SFI1: variants seen among roughly 807,000 people sequenced by gnomAD.
The protein encoded by SFI1 is SFI1 centrin binding protein.
Under a neutral mutation model 207.5 loss-of-function variants are expected in SFI1, and 195 were observed. That is an observed-to-expected ratio of 0.94 (90% CI 0.84 to 1.06). The LOEUF (loss-of-function observed/expected upper bound fraction) is 1.06. Among genes scored for constraint, SFI1 ranks in the 50% least tolerant of loss-of-function variants. The pLI is 0.00. For synonymous variants in SFI1, 630 were observed against 598.9 expected (o/e 1.05, Z -0.76); for missense variants, 1,634 against 1,588.0 (o/e 1.03, Z -0.49).
rs2060074122 is a variant in SFI1 at position 31,546,290 on chromosome 22, C to T, written c.339-571C>T. On this transcript the variant is annotated intron_variant, in intron 4 of 32. Transcript: ENST00000400288. Reference sequence around the variant, plus strand: ...AAGTGTTGGTATTACAGGCATGAGCCACCATGCCTGGCCTCTATTTTTAAT... The same window carrying T: ...AAGTGTTGGTATTACAGGCATGAGCTACCATGCCTGGCCTCTATTTTTAAT... Among the ~76,000 whole-genome samples the T allele has an allele frequency of 2.0e-5, 3 of 152,012 alleles. No individual in the cohort carries two copies. In the South Asian group the frequency reaches 6.2e-4, roughly 32 times the overall value.
At chr22:31,590,872 A>G (rs925363376) in intron 15 of SFI1, among the ~76,000 whole-genome samples, 8 of 149,532 alleles carry the variant, frequency 5.4e-5, no homozygotes, top group Non-Finnish European at 1.0e-4. Flanking sequence ...ATTTTTATAT[A>G]TATTTTTAAA....
intron 15 of SFI1, among the ~76,000 whole-genome samples, chr22:31,599,209 G>T (rs56355520): frequency 6.6e-6 from 1 of 151,950 alleles, no homozygotes. Flanking sequence ...TATAGTTTTA[G>T]CATTTACATT....
chr22:31,546,801 T>A, intron 4 of SFI1, 60 bp from the exon 5 acceptor site: 1 of 1,180,294 alleles, frequency 8.5e-7, no homozygotes, highest in Non-Finnish European at 1.2e-6. Context: ...ATATGTGATT[T>A]GGGAAGAGAT....
At chr22:31,582,292 G>GGCT (rs561256147) in intron 12 of SFI1, among the ~76,000 whole-genome samples, 12 of 114,858 alleles carry the variant, frequency 1.0e-4, no homozygotes, top group African/African-American at 4.1e-4. Flanking sequence ...CTCTCGCCCA[G>GGCT]GCTGGAGTGC....
intron 2 of SFI1, among the ~76,000 whole-genome samples, chr22:31,519,570 G>A (rs2147028470): frequency 6.6e-6 from 1 of 152,170 alleles, no homozygotes; most frequent in Non-Finnish European, 1.5e-5. Flanking sequence ...CCGAGTAGCT[G>A]GGATTACAGG....
At chr22:31,590,845 CTTTTTATTTTA>C (rs1490523647) in intron 15 of SFI1, among the ~76,000 whole-genome samples, 3 of 148,186 alleles carry the variant, frequency 2.0e-5, no homozygotes, top group Non-Finnish European at 4.5e-5. Flanking sequence ...TTCCCCTTCT[CTTTTTATTTTA>C]TTTTTATTTT....
chr22:31,617,912 G>A lies in SFI1; in HGVS notation c.3513-203G>A, dbSNP rs1380646099. Among the ~76,000 whole-genome samples, 4 of 152,158 alleles carry A rather than the reference G, an allele frequency of 2.6e-5. No homozygotes were observed. The East Asian group carries it at 7.7e-4, about 29-fold the overall frequency. Reference sequence around the variant, plus strand: ...GCCCACCTGAGTTGCTGTCTGCTGGGGAGGGCGGAGGAGACTGGGAGAGGA... The same window carrying A: ...GCCCACCTGAGTTGCTGTCTGCTGGAGAGGGCGGAGGAGACTGGGAGAGGA... On this transcript the variant is annotated intron_variant, in intron 31 of 32. Transcript: ENST00000400288.
chr22:31,508,367 T>C lies in SFI1; in HGVS notation c.83T>C (p.Val28Ala), dbSNP rs751815927. Residue 28 changes from valine (V) to alanine (A), a missense_variant, in exon 2 of 33, where the codon GTT (valine) becomes GCT (alanine). By Grantham distance (64) the Val-to-Ala change is moderately conservative. Transcript: ENST00000400288. ...KVIKQRMEKK[V>A]DSRYFKDGAV... ...ATTAAGCAGAGAATGGAGAAGAAGG[T>C]TGATTCCAGGTGAGTGATGGGACTT... 101 of 1,611,302 alleles carry C rather than the reference T, an allele frequency of 6.3e-5. No individual in the cohort carries two copies. Among genetic ancestry groups the C allele is most frequent in the Non-Finnish European group, 8.5e-5 (100 of 1,178,152 alleles).
intron 13 of SFI1, 147 bp downstream of exon 13, chr22:31,584,119 G>C: frequency 1.5e-6 from 1 of 685,344 alleles, no homozygotes; most frequent in Non-Finnish European, 2.5e-6. Flanking sequence ...TAAACCATTT[G>C]TTCCTGACTT....
intron 4 of SFI1, among the ~76,000 whole-genome samples, chr22:31,543,841 G>A (rs1392978796): frequency 6.6e-6 from 1 of 150,778 alleles, no homozygotes; most frequent in Admixed American, 6.6e-5. Flanking sequence ...AAAACTATGA[G>A]TGGGTTAGGA....
At position 31,573,108 on chromosome 22, in the gene SFI1, A is replaced by G. The variant is rs2145851083; in HGVS notation, c.816A>G (p.Gln272=). 3 of 1,613,992 alleles carry G rather than the reference A, an allele frequency of 1.9e-6. No individual in the cohort carries two copies. The highest frequency in any genetic ancestry group is 2.5e-6 in the Non-Finnish European group (3 of 1,180,004). The change falls in exon 9 of 33, where the codon CAA becomes CAG. Residue 272 remains glutamine, a synonymous_variant. Coordinates refer to ENST00000400288, the MANE Select transcript of SFI1 (RefSeq NM_001007467.3). ...EQLLYVQKEK[Q]KVVSAVKHHQ... is the part of the protein sequence containing the mutation. ...TCCTGTATGTCCAGAAGGAGAAACA[A>G]AAGGTTGTCTCTGCAGTGAAACATC...
chr22:31,540,940 T>C (rs2059423591), intron 4 of SFI1, among the ~76,000 whole-genome samples: 1 of 152,172 alleles, frequency 6.6e-6, no homozygotes, highest in African/African-American at 2.4e-5. Context: ...ATTGTTCAGT[T>C]TGTAGACTTT....
rs1293771988 is a variant in SFI1, at chr22:31,613,234, T to A, written c.2565+18T>A. On this transcript the variant is annotated intron_variant, in intron 25 of 32. Transcript: ENST00000400288. ...AGGCAAAGGTAATTGGGGCTCTGCA[T>A]CCTACCATCCCTGCCTCTCCCTCAG... 5.6e-6 allele frequency: 9 copies of A among 1,613,444 alleles called. No individual in the cohort carries two copies. In the South Asian group the frequency reaches 9.9e-5, roughly 18 times the overall value.
rs755372441 is a variant in SFI1 at position 31,573,061 on chromosome 22, T to C, written c.769T>C (p.Trp257Arg). Residue 257 changes from tryptophan to arginine, a missense_variant, in exon 9 of 33, where the codon TGG becomes CGG. Trp to Arg is a moderately radical substitution (Grantham distance 101). Transcript: ENST00000400288. ...TTGCCTCTTCTCTGGTTTTCAGGCT[T>C]GGTCACAGTGGCGGGAACAGCTCCT... is the stretch of plus-strand genomic sequence containing the variant. ...HRALSLQVQA[W>R]SQWREQLLYV... 5 of 1,613,182 alleles carry C rather than the reference T, an allele frequency of 3.1e-6. No individual in the cohort carries two copies. The Admixed American group carries it at 6.7e-5, about 22-fold the overall frequency.
intron 1 of SFI1, among the ~76,000 whole-genome samples, chr22:31,500,703 C>T (rs1026382414): frequency 3.3e-5 from 5 of 152,134 alleles, no homozygotes; most frequent in South Asian, 4.1e-4. Context: ...GTGATTCTCC[C>T]GCCTGGGCCT....
intron 28 of SFI1, 35 bp downstream of exon 28, chr22:31,614,895 G>GA (rs2071119349): frequency 1.2e-6 from 2 of 1,609,622 alleles, no homozygotes; most frequent in Admixed American, 3.4e-5. Flanking sequence ...CAGGCAGGGG[G>GA]AGATGGTCAG....
chr22:31,597,199 CA>C (rs1295991169), intron 15 of SFI1, among the ~76,000 whole-genome samples: 1 of 152,114 alleles, frequency 6.6e-6, no homozygotes, highest in Admixed American at 6.5e-5. Flanking sequence ...AAGTACCTTC[CA>C]AATAGCCAAG....
intron 2 of SFI1, among the ~76,000 whole-genome samples, chr22:31,516,200 C>T (rs1185570064): frequency 6.6e-6 from 1 of 152,032 alleles, no homozygotes; most frequent in Non-Finnish European, 1.5e-5. Flanking sequence ...CTCTCTTCAT[C>T]ATTTGATGAA....
In SFI1 at chr22:31,602,681, C is replaced by T. The variant is rs773042759; in HGVS notation, c.1701C>T (p.His567=). ...GGCACCAGCAGGCAGCAGCACGTCA[C>T]CAGGAGCAGGAGTGGCAAACAGTGG... ...FMWHQQAAAR[H]QEQEWQTVAC... Residue 567 remains histidine, a synonymous_variant, in exon 17 of 33, where the codon CAC becomes CAT. Coordinates refer to ENST00000400288, the MANE Select transcript of SFI1 (RefSeq NM_001007467.3). 48 of 1,614,100 alleles carry T rather than the reference C, an allele frequency of 3.0e-5. No individual in the cohort carries two copies. Among genetic ancestry groups the T allele is most frequent in the African/African-American group, 4.0e-5 (3 of 74,928 alleles).
Sources: allele counts gnomAD v4.1 joint callset (sites outside exome capture counted in the v4.1 genomes callset), GRCh38; gene constraint gnomAD v4.1.1; transcripts MANE v1.5; gene names NCBI Gene and HGNC (gene_info 2026-07-23, HGNC 2026-07-21).